RAPGEF2: variants seen among roughly 807,000 people sequenced by gnomAD.
RAPGEF2 encodes the protein Rap guanine nucleotide exchange factor 2, also known as PDZ domain containing guanine nucleotide exchange factor (GEF) 1.
In RAPGEF2, 54 loss-of-function variants were observed where a neutral mutation model predicts 186.7. The observed-to-expected ratio is 0.29, with a 90% confidence interval of 0.23 to 0.36. The LOEUF is 0.36. Ranked by LOEUF, RAPGEF2 falls within the 10% of genes least tolerant of loss-of-function variation. The probability of loss-of-function intolerance (pLI) is 1.00; values close to 1 mark genes in which losing one functional copy is unlikely to be tolerated. For missense variants in RAPGEF2, 1,532 were observed against 2,045.0 expected (o/e 0.75, Z 4.84); for synonymous variants, 712 against 705.9 (o/e 1.01, Z -0.14).
intron 1 of RAPGEF2, among the ~76,000 whole-genome samples, chr4:159,131,522 T>TGG (rs1741095356): frequency 6.4e-5 from 2 of 31,382 alleles, no homozygotes; most frequent in African/African-American, 3.8e-4. Context: ...AATTGCTATT[T>TGG]TTTTTTTTTT....
intron 7 of RAPGEF2, among the ~76,000 whole-genome samples, chr4:159,253,641 T>G (rs1347062787): frequency 6.8e-6 from 1 of 147,182 alleles, no homozygotes; most frequent in East Asian, 2.0e-4. Context: ...ATAACCATAG[T>G]TTTTTTTTTT....
At chr4:159,347,254 A>G (rs749469209) in intron 25 of RAPGEF2, among the ~76,000 whole-genome samples, 2 of 152,186 alleles carry the variant, frequency 1.3e-5, no homozygotes, top group Non-Finnish European at 2.9e-5. Context: ...TTATGTGTCT[A>G]TTAATTTAAT....
intron 4 of RAPGEF2, among the ~76,000 whole-genome samples, chr4:159,212,181 C>T (rs557447772): frequency 6.6e-6 from 1 of 152,228 alleles, no homozygotes; most frequent in South Asian, 2.1e-4. Context: ...TGTGAACCAG[C>T]TTCGATAATT....
intron 1 of RAPGEF2, among the ~76,000 whole-genome samples, chr4:159,146,151 A>C (rs1041782688): frequency 6.6e-6 from 1 of 152,126 alleles, no homozygotes; most frequent in African/African-American, 2.4e-5. Flanking sequence ...CTATGAGGTC[A>C]TTGTTATATA....
chr4:159,334,329 A>G (rs944698895), intron 17 of RAPGEF2, among the ~76,000 whole-genome samples: 3 of 152,088 alleles, frequency 2.0e-5, no homozygotes, highest in Non-Finnish European at 2.9e-5. Context: ...GCTCACTGCA[A>G]CCTTCACCTC....
intron 8 of RAPGEF2, among the ~76,000 whole-genome samples, chr4:159,314,362 A>G (rs1764297284): frequency 6.6e-6 from 1 of 152,226 alleles, no homozygotes; most frequent in Non-Finnish European, 1.5e-5. Flanking sequence ...TAAGAAATCA[A>G]AATTACTGAG....
intron 11 of RAPGEF2, chr4:159,327,498 C>T (rs1766086132): frequency 6.6e-6 from 1 of 151,892 alleles, no homozygotes; most frequent in Admixed American, 6.6e-5. Flanking sequence ...ACTAAAAATA[C>T]AAAAAAATTA....
intron 7 of RAPGEF2, chr4:159,267,874 G>T: frequency 9.0e-7 from 1 of 1,109,032 alleles, no homozygotes; most frequent in Non-Finnish European, 1.1e-6. Flanking sequence ...GGAAGACTGA[G>T]AGCTGTGTGA....
At chr4:159,173,302 C>T (rs889543776) in intron 1 of RAPGEF2, among the ~76,000 whole-genome samples, 1 of 152,130 alleles carries the variant, frequency 6.6e-6, no homozygotes, top group African/African-American at 2.4e-5. Context: ...CCTCAGTGAC[C>T]TATTCCGCTT....
rs1369315450 is a variant in RAPGEF2 at position 159,332,561 on chromosome 4, G to C, written c.1999G>C (p.Ala667Pro). The C allele has an allele frequency of 6.2e-7, 1 of 1,614,010 alleles. No individual in the cohort carries two copies. The highest frequency in any genetic ancestry group is 1.3e-5 in the African/African-American group (1 of 74,916). The change falls in exon 17 of 30, where the codon GCT becomes CCT. Residue 667 changes from alanine to proline, a missense_variant. Physicochemically the swap from Ala to Pro is conservative, Grantham distance 27. Around this residue, in one of 4 missense-constraint regions of RAPGEF2, gnomAD observed 810 missense variants for 1,210.5 expected, o/e 0.67. Transcript: ENST00000691494. ...CAGTCGCTACTCCATTCCAGATCTT[G>C]CTGTAGATGTAGAACAGGTGATAGG... Reference protein sequence around the residue: ...KASRYSIPDLAVDVEQVIGLE... With the variant: ...KASRYSIPDLPVDVEQVIGLE...
At chr4:159,228,336 A>G (rs1752254629) in intron 4 of RAPGEF2, 1 of 152,246 alleles carries the variant, frequency 6.6e-6, no homozygotes, top group Non-Finnish European at 1.5e-5. Context: ...GTGGTTCTTC[A>G]AAGATACTGA....
At chr4:159,232,524 T>C (rs1256909427) in intron 4 of RAPGEF2, among the ~76,000 whole-genome samples, 1 of 152,206 alleles carries the variant, frequency 6.6e-6, no homozygotes, top group East Asian at 1.9e-4. Flanking sequence ...GTTTATCCAT[T>C]CTTCCGTTGT....
chr4:159,355,808 T>C (rs1267692930), intron 28 of RAPGEF2, 45 bp from the exon 29 acceptor site: 1 of 1,442,474 alleles, frequency 6.9e-7, no homozygotes, highest in Non-Finnish European at 9.4e-7. Flanking sequence ...TAAACTTTTG[T>C]GGCATGAACT....
At chr4:159,318,430 AAG>A (rs1197105675) in intron 9 of RAPGEF2, among the ~76,000 whole-genome samples, 1 of 152,240 alleles carries the variant, frequency 6.6e-6, no homozygotes, top group Non-Finnish European at 1.5e-5. Context: ...CCCTGCAAAA[AAG>A]GGACAGATTA....
At chr4:159,157,917 G>C (rs1333426648) in intron 1 of RAPGEF2, among the ~76,000 whole-genome samples, 10 of 152,218 alleles carry the variant, frequency 6.6e-5, no homozygotes, top group Non-Finnish European at 1.5e-4. Context: ...GTTGAGGTAG[G>C]GAAGCTGGGT....
chr4:159,347,940 G>T (rs376689481), intron 25 of RAPGEF2, among the ~76,000 whole-genome samples: 1 of 152,246 alleles, frequency 6.6e-6, no homozygotes. Context: ...GGGATAGTAG[G>T]CTGGGTGCAG....
At chr4:159,262,451 T>C (rs938038644) in intron 7 of RAPGEF2, among the ~76,000 whole-genome samples, 1 of 152,202 alleles carries the variant, frequency 6.6e-6, no homozygotes, top group Non-Finnish European at 1.5e-5. Context: ...ATGGAAATAA[T>C]TCACAACCAC....
chr4:159,262,889 C>T (rs1757035090), intron 7 of RAPGEF2, among the ~76,000 whole-genome samples: 2 of 151,946 alleles, frequency 1.3e-5, no homozygotes, highest in South Asian at 4.2e-4. Flanking sequence ...TCTTTTTGAA[C>T]TCCCAGTTAG....
intron 1 of RAPGEF2, among the ~76,000 whole-genome samples, chr4:159,149,427 T>C (rs1429670619): frequency 6.6e-6 from 1 of 151,944 alleles, no homozygotes; most frequent in Non-Finnish European, 1.5e-5. Context: ...CCCGGCTAAT[T>C]TTTGTATTTT....
Sources: allele counts gnomAD v4.1 joint callset (sites outside exome capture counted in the v4.1 genomes callset), GRCh38; gene constraint gnomAD v4.1.1; regional missense constraint gnomAD v4.1.1; transcripts MANE v1.5; gene names NCBI Gene and HGNC (gene_info 2026-07-23, HGNC 2026-07-21).